USP25: variants seen among roughly 807,000 people sequenced by gnomAD.
USP25 encodes the protein ubiquitin specific peptidase 25.
Under a neutral mutation model 158.5 loss-of-function variants are expected in USP25, and 85 were observed. The ratio of observed to expected loss-of-function variants is 0.54; its 90% confidence interval spans 0.45 to 0.64. USP25 has a LOEUF of 0.64. Among genes scored for constraint, USP25 ranks in the 30% least tolerant of loss-of-function variants. The pLI, the probability that USP25 is intolerant of heterozygous loss-of-function variation, is 0.00. For synonymous variants in USP25, 464 were observed against 460.4 expected (o/e 1.01, Z -0.10); for missense variants, 1,242 against 1,327.3 (o/e 0.94, Z 1.00).
At chr21:15,785,781 A>G (rs562402462) in intron 4 of USP25, among the ~76,000 whole-genome samples, 3 of 152,312 alleles carry the variant, frequency 2.0e-5, no homozygotes, top group Admixed American at 6.5e-5. Flanking sequence ...ATTAAACCCA[A>G]AATTGGTAGG....
intron 3 of USP25, among the ~76,000 whole-genome samples, chr21:15,768,982 T>C (rs904491701): frequency 6.6e-6 from 1 of 152,156 alleles, no homozygotes; most frequent in Non-Finnish European, 1.5e-5. Flanking sequence ...TACCTCTTTG[T>C]TGATATTAGC....
intron 22 of USP25, among the ~76,000 whole-genome samples, chr21:15,868,983 G>T (rs2039771324): frequency 6.6e-6 from 1 of 152,158 alleles, no homozygotes; most frequent in Admixed American, 6.5e-5. Flanking sequence ...GGTGGCTCAT[G>T]CTTATAATCC....
At chr21:15,851,002 TA>T (rs1270832064) in intron 20 of USP25, among the ~76,000 whole-genome samples, 1 of 152,012 alleles carries the variant, frequency 6.6e-6, no homozygotes, top group African/African-American at 2.4e-5. Context: ...ATGTATTTTT[TA>T]TAGTTTTCTG....
At chr21:15,866,486 A>C in intron 22 of USP25, 142 bp downstream of exon 22, 1 of 457,676 alleles carries the variant, frequency 2.2e-6, no homozygotes, top group Non-Finnish European at 3.7e-6. Flanking sequence ...ATGCTCAAGT[A>C]ATTAATAATT....
rs775953281 is a variant in USP25 at position 15,833,410 on chromosome 21, A to G, written c.2056A>G (p.Arg686Gly). The G allele has an allele frequency of 5.0e-6, 8 of 1,614,052 alleles. No homozygotes were observed. Among genetic ancestry groups the G allele is most frequent in the Non-Finnish European group, 6.8e-6 (8 of 1,179,980 alleles). Reference protein sequence around the residue: ...VGIETLPPDLRDFVEEDNQRF... With the variant: ...VGIETLPPDLGDFVEEDNQRF... ...TATAGAAACATTACCACCGGATTTG[A>G]GAGATTTTGTTGAGGAAGACAACCA... The change falls in exon 17 of 26, where the codon AGA (arginine) becomes GGA (glycine). Residue 686 changes from arginine to glycine, a missense_variant. This residue lies in a region of USP25 where 608 missense variants were observed against 605.2 expected (regional missense o/e 1.00). Transcript: ENST00000400183.
At chr21:15,779,038 T>A (rs1164795969) in intron 4 of USP25, among the ~76,000 whole-genome samples, 1 of 152,122 alleles carries the variant, frequency 6.6e-6, no homozygotes, top group Admixed American at 6.5e-5. Flanking sequence ...TTCAAAATGC[T>A]ATGTTTAGCA....
intron 4 of USP25, among the ~76,000 whole-genome samples, chr21:15,783,425 A>G (rs200835839): frequency 6.6e-6 from 1 of 152,130 alleles, no homozygotes; most frequent in African/African-American, 2.4e-5. Flanking sequence ...AAGATCCCCA[A>G]TAAAATTCAG....
chr21:15,741,104 G>C (rs1176896124), intron 1 of USP25, among the ~76,000 whole-genome samples: 1 of 150,900 alleles, frequency 6.6e-6, no homozygotes, highest in African/African-American at 2.5e-5. Context: ...GGCTGTTCTG[G>C]GTCTTCACAT....
At chr21:15,783,291 G>C (rs1004651021) in intron 4 of USP25, among the ~76,000 whole-genome samples, 1 of 152,086 alleles carries the variant, frequency 6.6e-6, no homozygotes, top group Non-Finnish European at 1.5e-5. Flanking sequence ...TTCATATTAT[G>C]GGAGTGCCAG....
chr21:15,780,561 T>G (rs943908330), intron 4 of USP25, among the ~76,000 whole-genome samples: 8 of 152,218 alleles, frequency 5.3e-5, no homozygotes, highest in African/African-American at 1.9e-4. Context: ...TAGCTAAAAT[T>G]GTTACAAAGA....
intron 4 of USP25, among the ~76,000 whole-genome samples, chr21:15,781,555 T>G (rs1010761956): frequency 1.3e-5 from 2 of 152,110 alleles, no homozygotes; most frequent in East Asian, 1.9e-4. Context: ...TAAGTTTATT[T>G]TGTCTGGAGT....
chr21:15,821,080 G>C (rs919223897), intron 10 of USP25, among the ~76,000 whole-genome samples: 1 of 151,864 alleles, frequency 6.6e-6, no homozygotes. Context: ...TTGTCTGTTG[G>C]AGGAAAAAAA....
chr21:15,792,858 T>C (rs1464655663), intron 5 of USP25, among the ~76,000 whole-genome samples: 1 of 151,612 alleles, frequency 6.6e-6, no homozygotes, highest in African/African-American at 2.4e-5. Flanking sequence ...TCCCAGGACA[T>C]GAAGATGCTA....
chr21:15,781,667 T>C (rs2034972197), intron 4 of USP25, among the ~76,000 whole-genome samples: 1 of 152,138 alleles, frequency 6.6e-6, no homozygotes, highest in African/African-American at 2.4e-5. Flanking sequence ...GTATCCTGCC[T>C]CTGCCATACT....
chr21:15,825,565 A>C (rs2037461450), intron 12 of USP25, among the ~76,000 whole-genome samples: 1 of 152,110 alleles, frequency 6.6e-6, no homozygotes, highest in African/African-American at 2.4e-5. Context: ...ACCATGTATG[A>C]GTATGGCCTC....
At chr21:15,862,905 T>A (rs1273380121) in intron 20 of USP25, among the ~76,000 whole-genome samples, 1 of 152,044 alleles carries the variant, frequency 6.6e-6, no homozygotes, top group East Asian at 1.9e-4. Context: ...TTAATGTTTA[T>A]CAGTTATTTT....
chr21:15,747,643 T>A (rs902422259), intron 1 of USP25, among the ~76,000 whole-genome samples: 29 of 152,152 alleles, frequency 1.9e-4, no homozygotes, highest in African/African-American at 6.5e-4. Flanking sequence ...AAATATCCGA[T>A]AACTGAGATG....
intron 1 of USP25, among the ~76,000 whole-genome samples, chr21:15,761,326 C>T (rs1230893041): frequency 6.6e-6 from 1 of 152,154 alleles, no homozygotes; most frequent in Non-Finnish European, 1.5e-5. Flanking sequence ...GGCCTCCCCC[C>T]CAGGAATGTC....
At position 15,730,334 on chromosome 21, in the gene USP25, C is replaced by A. The variant is rs896248338; in HGVS notation, c.-60C>A. On this transcript the variant is annotated 5_prime_UTR_variant, in exon 1 of 26. Transcript: ENST00000400183. ...CTCGGCGGAGCGCGGCAGCCAGGGC[C>A]GGCGGAGGCGCGAGGAGCCGGGCGC... is the stretch of plus-strand genomic sequence containing the variant. The A allele has an allele frequency of 9.0e-5, 98 of 1,087,502 alleles. No homozygotes were observed. Among genetic ancestry groups the A allele is most frequent in the South Asian group, 1.3e-4 (3 of 23,158 alleles). The allele number at this position is 1,087,502 out of a possible 1,614,324, so 67.4% of individuals were successfully genotyped here. A position where few individuals can be genotyped will look rare whatever the true frequency, so the allele number is the denominator to read the frequency against.
Sources: allele counts gnomAD v4.1 joint callset (sites outside exome capture counted in the v4.1 genomes callset), GRCh38; gene constraint gnomAD v4.1.1; regional missense constraint gnomAD v4.1.1; transcripts MANE v1.5; gene names NCBI Gene and HGNC (gene_info 2026-07-23, HGNC 2026-07-21).